Variants in TANGO6 observed in about 807,000 individuals in gnomAD.
TANGO6 encodes transport and Golgi organization protein 6 homolog.
TANGO6 carries 90 observed loss-of-function variants against 114.2 expected under a neutral mutation model. That is an observed-to-expected ratio of 0.79 (90% CI 0.66 to 0.94). The LOEUF (loss-of-function observed/expected upper bound fraction) is 0.94. Among genes scored for constraint, TANGO6 ranks in the 40% least tolerant of loss-of-function variants. The pLI, the probability that TANGO6 is intolerant of heterozygous loss-of-function variation, is 0.00. For synonymous variants in TANGO6, 477 were observed against 509.8 expected, an observed-to-expected ratio of 0.94 and a Z score of 0.87; for missense variants, 1,274 against 1,315.3, an observed-to-expected ratio of 0.97 and a Z score of 0.49.
intron 17 of TANGO6, among the ~76,000 whole-genome samples, chr16:69,065,025 C>T (rs990496011): frequency 1.3e-5 from 2 of 152,218 alleles, no homozygotes; most frequent in Non-Finnish European, 2.9e-5. Context: ...CAGGACAACA[C>T]TCCCAATCTC....
chr16:68,868,034 C>G (rs933882333), intron 4 of TANGO6: 1 of 149,806 alleles, frequency 6.7e-6, no homozygotes, highest in African/African-American at 2.5e-5. Flanking sequence ...GTCCCAGCTA[C>G]TTGGGAGGCT....
intron 7 of TANGO6, among the ~76,000 whole-genome samples, chr16:68,883,815 T>A (rs1962498035): frequency 6.6e-6 from 1 of 152,216 alleles, no homozygotes; most frequent in Non-Finnish European, 1.5e-5. Flanking sequence ...TTCTTTCAGA[T>A]AAGAAGGCAG....
intron 17 of TANGO6, among the ~76,000 whole-genome samples, chr16:69,065,928 A>G (rs763354018): frequency 2.6e-4 from 39 of 152,190 alleles, no homozygotes; most frequent in Non-Finnish European, 2.9e-5. Flanking sequence ...GTCTGTGTCC[A>G]TTCTGCTTCC....
chr16:69,006,965 G>T (rs1265037565), intron 15 of TANGO6: 1 of 152,150 alleles, frequency 6.6e-6, no homozygotes, highest in Admixed American at 6.5e-5. Context: ...TGCTGTAAGG[G>T]TTTACTTAGA....
In TANGO6 at chr16:68,984,405, C is replaced by T. The variant is rs1411841794; in HGVS notation, c.2842+10237C>T. On this transcript the variant is annotated intron_variant, in intron 15 of 17. Coordinates refer to ENST00000261778, the MANE Select transcript of TANGO6 (RefSeq NM_024562.2). ...GACTAAGTAACTATTTTTCCTTTCC[C>T]GTTTCTCTTTTTCTTTCTCACATCA... Among the ~76,000 whole-genome samples, 3 of 152,224 alleles carry T rather than the reference C, an allele frequency of 2.0e-5. No individual in the cohort carries two copies. The South Asian group carries it at 6.2e-4, about 32-fold the overall frequency.
intron 17 of TANGO6, among the ~76,000 whole-genome samples, chr16:69,070,793 G>T (rs1359179101): frequency 2.1e-5 from 3 of 144,962 alleles, no homozygotes; most frequent in African/African-American, 7.9e-5. Context: ...TATTTTCTGA[G>T]ACGGAATTTC....
chr16:68,904,898 A>G (rs2054427346), intron 9 of TANGO6, among the ~76,000 whole-genome samples: 1 of 152,214 alleles, frequency 6.6e-6, no homozygotes. Flanking sequence ...CAGGAGTTCA[A>G]GACCAGCCTG....
At chr16:69,055,892 A>C (rs1348301223) in intron 17 of TANGO6, among the ~76,000 whole-genome samples, 3 of 152,130 alleles carry the variant, frequency 2.0e-5, no homozygotes, top group African/African-American at 7.2e-5. Flanking sequence ...CCAAAAAATT[A>C]GCCGGGAGTG....
At chr16:69,083,425 A>G in intron 17 of TANGO6, 60 bp from the exon 18 acceptor site, 1 of 1,532,662 alleles carries the variant, frequency 6.5e-7, no homozygotes, top group Non-Finnish European at 8.8e-7. Context: ...AGGGCAGTTC[A>G]GTCGTACTGA....
At chr16:68,991,011 G>T (rs1048174237) in intron 15 of TANGO6, among the ~76,000 whole-genome samples, 1 of 151,600 alleles carries the variant, frequency 6.6e-6, no homozygotes, top group African/African-American at 2.4e-5. Context: ...GCTTACACGT[G>T]ATAAAGACAG....
chr16:68,852,776 G>T (rs938198511), intron 1 of TANGO6, among the ~76,000 whole-genome samples: 1 of 152,114 alleles, frequency 6.6e-6, no homozygotes, highest in Admixed American at 6.6e-5. Flanking sequence ...AAGGTACAGT[G>T]AATTGTGATT....
At chr16:68,861,589 A>G (rs764208990) in intron 2 of TANGO6, among the ~76,000 whole-genome samples, 7 of 152,108 alleles carry the variant, frequency 4.6e-5, no homozygotes, top group Non-Finnish European at 8.8e-5. Context: ...GACAGGTCTT[A>G]TTACTGTTAC....
intron 14 of TANGO6, among the ~76,000 whole-genome samples, chr16:68,944,509 C>CAG (rs1044568617): frequency 6.6e-6 from 1 of 152,094 alleles, no homozygotes; most frequent in Non-Finnish European, 1.5e-5. Context: ...ATCTCCCAAC[C>CAG]AGAGAGAGAC....
chr16:69,076,032 G>C (rs555662835), intron 17 of TANGO6, among the ~76,000 whole-genome samples: 16 of 149,942 alleles, frequency 1.1e-4, no homozygotes, highest in Admixed American at 7.4e-4. Context: ...CAAAGTGTTG[G>C]GATTACAGGC....
intron 4 of TANGO6, among the ~76,000 whole-genome samples, chr16:68,874,496 G>A (rs1387449099): frequency 2.0e-5 from 3 of 152,168 alleles, no homozygotes; most frequent in South Asian, 2.1e-4. Context: ...GTCACTCTAC[G>A]GCTGTGGCTT....
chr16:69,015,656 T>C (rs200182130), intron 15 of TANGO6, among the ~76,000 whole-genome samples: 2 of 151,830 alleles, frequency 1.3e-5, no homozygotes, highest in African/African-American at 4.8e-5. Context: ...TAATTTTTTG[T>C]ATTTTTAATA....
chr16:68,969,944 C>T (rs1963686175), intron 14 of TANGO6, among the ~76,000 whole-genome samples: 1 of 152,056 alleles, frequency 6.6e-6, no homozygotes, highest in Admixed American at 6.6e-5. Context: ...GGGCTTTTTC[C>T]ACATGGTGGC....
chr16:69,075,150 T>C (rs1049115964), intron 17 of TANGO6, among the ~76,000 whole-genome samples: 1 of 151,240 alleles, frequency 6.6e-6, no homozygotes, highest in African/African-American at 2.4e-5. Flanking sequence ...GCCTGAAATA[T>C]AATTTTTTTC....
chr16:69,040,965 A>T lies in TANGO6; in HGVS notation c.3108+544A>T, dbSNP rs373023254. On this transcript the variant is annotated intron_variant, in intron 17 of 17. Coordinates refer to ENST00000261778, the MANE Select transcript of TANGO6 (RefSeq NM_024562.2). ...ATATATTTACATATATATATATATAAAAAACCATATGTGTGCTGAGAATGA... is the reference window on the plus strand; with the variant it reads ...ATATATTTACATATATATATATATATAAAACCATATGTGTGCTGAGAATGA... Among the ~76,000 whole-genome samples the T allele has an allele frequency of 2.3e-3, 344 of 152,060 alleles. 1 individual carries two copies. Among genetic ancestry groups the T allele is most frequent in the African/African-American group, 6.0e-3 (249 of 41,494 alleles).
Sources: gnomAD v4.1 joint callset for allele counts (sites outside exome capture counted in the v4.1 genomes callset) on GRCh38, gnomAD v4.1.1 for gene constraint, MANE v1.5 for transcripts, NCBI Gene and HGNC (gene_info 2026-07-23, HGNC 2026-07-21) for gene names.